CCDC3: variants seen among roughly 807,000 people sequenced by gnomAD.
The protein encoded by CCDC3 is coiled-coil domain containing 3, also known as coiled-coil domain-containing protein 3.
CCDC3 carries 24 observed loss-of-function variants against 21.4 expected under a neutral mutation model. That is an observed-to-expected ratio of 1.12 (90% CI 0.81 to 1.58). The LOEUF is 1.58. Ranked by LOEUF, CCDC3 falls within the 40% of genes most tolerant of loss-of-function variation. The probability of loss-of-function intolerance (pLI) is 0.00; values close to 1 mark genes in which losing one functional copy is unlikely to be tolerated. For missense variants in CCDC3, 425 were observed against 360.9 expected (o/e 1.18, Z -1.44); for synonymous variants, 186 against 166.0 (o/e 1.12, Z -0.93).
At chr10:13,071,311 G>A (rs1473428395) in intron 4 of CCDC3, among the ~76,000 whole-genome samples, 3 of 151,996 alleles carry the variant, frequency 2.0e-5, no homozygotes, top group Non-Finnish European at 4.4e-5. Flanking sequence ...CCCTCAAGAC[G>A]TATTTTTGTC....
At chr10:13,066,111 G>T (rs775862983) in intron 4 of CCDC3, among the ~76,000 whole-genome samples, 4 of 151,932 alleles carry the variant, frequency 2.6e-5, no homozygotes, top group Non-Finnish European at 5.9e-5. Flanking sequence ...CCTTTCATTA[G>T]AATATCTGGA....
chr10:13,080,531 A>AT (rs1324956682), intron 3 of CCDC3, among the ~76,000 whole-genome samples: 8 of 152,264 alleles, frequency 5.3e-5, no homozygotes, highest in Admixed American at 5.2e-4. Flanking sequence ...AGGCATAAGA[A>AT]TATCAATTTT....
intron 5 of CCDC3, among the ~76,000 whole-genome samples, chr10:13,033,758 C>A (rs917981797): frequency 6.6e-6 from 1 of 152,180 alleles, no homozygotes; most frequent in Non-Finnish European, 1.5e-5. Context: ...TCATCACTGG[C>A]CATCAGAGAA....
At chr10:12,926,040 G>A (rs2092129815) in intron 2 of CCDC3, among the ~76,000 whole-genome samples, 1 of 152,248 alleles carries the variant, frequency 6.6e-6, no homozygotes, top group Admixed American at 6.5e-5. Context: ...TAGGAGCAGA[G>A]GGACTGCTGG....
intron 2 of CCDC3, among the ~76,000 whole-genome samples, chr10:12,921,742 T>G (rs1834454625): frequency 7.3e-6 from 1 of 136,374 alleles, no homozygotes; most frequent in African/African-American, 2.6e-5. Flanking sequence ...CCGGTTTCTG[T>G]TTTTTGTTTT....
chr10:13,054,761 G>T (rs766145951), intron 4 of CCDC3, among the ~76,000 whole-genome samples: 1 of 152,088 alleles, frequency 6.6e-6, no homozygotes, highest in African/African-American at 2.4e-5. Flanking sequence ...TCTGCCTCCT[G>T]GTTCAAATGA....
chr10:12,950,787 G>A (rs78694222), intron 2 of CCDC3, among the ~76,000 whole-genome samples: 1,702 of 152,224 alleles, frequency 0.011, 31 homozygotes, highest in African/African-American at 0.039. Context: ...AGAGAAAGGC[G>A]TCATGACACA....
chr10:13,075,891 A>T (rs1836958923), intron 3 of CCDC3, among the ~76,000 whole-genome samples: 1 of 152,038 alleles, frequency 6.6e-6, no homozygotes, highest in South Asian at 2.1e-4. Flanking sequence ...TCTACTAAAA[A>T]AATAAAATAA....
intron 4 of CCDC3, among the ~76,000 whole-genome samples, chr10:13,060,572 A>G (rs1836744258): frequency 6.6e-6 from 1 of 152,186 alleles, no homozygotes; most frequent in Admixed American, 6.5e-5. Context: ...TGATGCAATC[A>G]TGCTTCACTG....
chr10:13,048,294 C>A (rs777459318), intron 5 of CCDC3, among the ~76,000 whole-genome samples: 9 of 152,070 alleles, frequency 5.9e-5, no homozygotes, highest in African/African-American at 1.7e-4. Flanking sequence ...CAGGTTCAAG[C>A]AATTCTCCTG....
At chr10:12,937,281 C>A (rs1018795897) in intron 2 of CCDC3, among the ~76,000 whole-genome samples, 3 of 152,084 alleles carry the variant, frequency 2.0e-5, no homozygotes, top group Non-Finnish European at 4.4e-5. Flanking sequence ...CTTCTCAGCC[C>A]CTTACAGGCT....
chr10:12,983,756 C>G (rs937144759), intron 2 of CCDC3, among the ~76,000 whole-genome samples: 2 of 151,350 alleles, frequency 1.3e-5, no homozygotes, highest in South Asian at 4.2e-4. Flanking sequence ...AGATGATTGA[C>G]ATCATTAGCC....
In CCDC3 at chr10:12,900,690, CAAAA is replaced by C. The variant is rs547349413; in HGVS notation, c.550-2015_550-2012del. Among the ~76,000 whole-genome samples the C allele has an allele frequency of 3.2e-4, 20 of 63,452 alleles. No individual in the cohort carries two copies. The East Asian group carries it at 9.0e-3, about 29-fold the overall frequency. 41.6% of individuals were successfully genotyped at this position (63,452 alleles called of 152,430 possible). A position where few individuals can be genotyped will look rare whatever the true frequency, so the allele number is the denominator to read the frequency against. Reference sequence around the variant, plus strand: ...TGGGTGACAAAGAGACACTCCATCTCAAAAAAAAAAAAAAAAAAACAAACTCCAT... The same window carrying C: ...TGGGTGACAAAGAGACACTCCATCTCAAAAAAAAAAAAAAACAAACTCCAT... On this transcript the variant is annotated intron_variant, in intron 2 of 2. Transcript: ENST00000378825.
chr10:13,056,779 G>C (rs1836686245), intron 4 of CCDC3, among the ~76,000 whole-genome samples: 2 of 152,200 alleles, frequency 1.3e-5, no homozygotes, highest in Admixed American at 1.3e-4. Context: ...GTAACCATAG[G>C]AGATTAGAGG....
At chr10:12,917,156 T>C (rs944203414) in intron 2 of CCDC3, among the ~76,000 whole-genome samples, 2 of 147,334 alleles carry the variant, frequency 1.4e-5, no homozygotes, top group African/African-American at 5.0e-5. Flanking sequence ...GGAGGTGATG[T>C]TGGAAATGTC....
intron 2 of CCDC3, among the ~76,000 whole-genome samples, chr10:12,977,233 C>T (rs1205175114): frequency 6.6e-6 from 1 of 151,696 alleles, no homozygotes; most frequent in African/African-American, 2.4e-5. Context: ...TGAAGTTGCG[C>T]CACTGCATTC....
intron 2 of CCDC3, among the ~76,000 whole-genome samples, chr10:12,945,008 T>C (rs1834893114): frequency 6.6e-6 from 1 of 152,152 alleles, no homozygotes; most frequent in Admixed American, 6.5e-5. Context: ...AAAATTCTAA[T>C]AAGGATAGAG....
intron 3 of CCDC3, among the ~76,000 whole-genome samples, chr10:13,092,712 G>A (rs909021944): frequency 1.3e-5 from 2 of 152,230 alleles, no homozygotes; most frequent in Non-Finnish European, 2.9e-5. Flanking sequence ...AGATATAGCA[G>A]CTGGAGAAGT....
intron 2 of CCDC3, among the ~76,000 whole-genome samples, chr10:12,899,249 T>A (rs998006016): frequency 1.3e-5 from 2 of 152,080 alleles, no homozygotes; most frequent in African/African-American, 4.8e-5. Flanking sequence ...CATGAAAAGA[T>A]GCTTAACCCC....
Sources: allele counts gnomAD v4.1 joint callset (sites outside exome capture counted in the v4.1 genomes callset), GRCh38; gene constraint gnomAD v4.1.1; transcripts MANE v1.5; gene names NCBI Gene and HGNC (gene_info 2026-07-23, HGNC 2026-07-21).